IQANK1: variants seen among roughly 807,000 people sequenced by gnomAD.
IQANK1 encodes the protein IQ motif and ankyrin repeat domain-containing protein 1.
In IQANK1, 30 loss-of-function variants were observed where a neutral mutation model predicts 22.6. The observed-to-expected ratio is 1.33, with a 90% CI of 0.99 to 1.80. The LOEUF (loss-of-function observed/expected upper bound fraction) is 1.80, where lower values mean the gene tolerates loss of function less well. IQANK1 is among the 40% of genes most tolerant of loss of function. IQANK1 has a pLI of 0.00. For missense variants in IQANK1, 275 were observed against 235.2 expected, an observed-to-expected ratio of 1.17 and a Z score of -1.11; for synonymous variants, 122 against 99.6, an observed-to-expected ratio of 1.23 and a Z score of -1.34.
intron 3 of IQANK1, among the ~76,000 whole-genome samples, chr8:143,755,164 T>C (rs1473212903): frequency 6.6e-6 from 1 of 152,314 alleles, no homozygotes; most frequent in East Asian, 1.9e-4. Context: ...GATACAGTGA[T>C]ATATTCTCAG....
At chr8:143,751,940 T>C (rs1007027664) in intron 3 of IQANK1, among the ~76,000 whole-genome samples, 3 of 144,648 alleles carry the variant, frequency 2.1e-5, no homozygotes, top group Non-Finnish European at 4.6e-5. Flanking sequence ...GTTTTTTTTT[T>C]CTTTTAGCAC....
chr8:143,777,255 C>T (rs926711123), intron 7 of IQANK1, among the ~76,000 whole-genome samples: 3 of 152,030 alleles, frequency 2.0e-5, no homozygotes, highest in African/African-American at 2.4e-5. Context: ...GTGGCTTACA[C>T]CTGTAATCCC....
intron 7 of IQANK1, among the ~76,000 whole-genome samples, chr8:143,780,676 A>G (rs1554630852): frequency 6.6e-6 from 1 of 152,146 alleles, no homozygotes; most frequent in Non-Finnish European, 1.5e-5. Flanking sequence ...TTATGGCTGC[A>G]TAGTATTCCA....
At chr8:143,759,689 A>C (rs1819358618) in intron 3 of IQANK1, 1 of 152,204 alleles carries the variant, frequency 6.6e-6, no homozygotes, top group Non-Finnish European at 1.5e-5. Flanking sequence ...CGCCTCGCCC[A>C]GCTAGGGAGT....
intron 3 of IQANK1, 70 bp downstream of exon 3, chr8:143,740,018 C>T (rs1450547818): frequency 4.7e-6 from 3 of 637,316 alleles, no homozygotes; most frequent in Admixed American, 2.4e-5. Context: ...TGCCCTGGCC[C>T]GGGACACGCT....
At chr8:143,748,999 CATAA>C (rs1563770635) in intron 3 of IQANK1, among the ~76,000 whole-genome samples, 3 of 71,210 alleles carry the variant, frequency 4.2e-5, no homozygotes, top group Non-Finnish European at 7.4e-5. Context: ...AAATATATAT[CATAA>C]ATATATATCA....
At position 143,790,200 on chromosome 8, in the gene IQANK1, C is replaced by T. The variant is rs566581257; in HGVS notation, c.1353C>T (p.Asn451=). 3.2e-6 allele frequency: 4 copies of T among 1,232,152 alleles called. No homozygotes were observed. In the African/African-American group the frequency reaches 6.2e-5, roughly 19 times the overall value. The allele number at this position is 1,232,152 out of a possible 1,614,324, so 76.3% of individuals were successfully genotyped here. ...AATFLRYQDT[N]YVDTVNPEPL... is the part of the protein sequence containing the mutation. Reference sequence around the variant, plus strand: ...CCTTCCTGCGCTACCAGGATACCAACTATGTGGACACGGTGAACCCGGAGC... The same window carrying T: ...CCTTCCTGCGCTACCAGGATACCAATTATGTGGACACGGTGAACCCGGAGC... The change falls in exon 13 of 14, where the codon AAC becomes AAT. Residue 451 remains asparagine (N), a synonymous_variant. Coordinates refer to ENST00000527139, the MANE Select transcript of IQANK1 (RefSeq NM_001381874.1).
intron 3 of IQANK1, among the ~76,000 whole-genome samples, chr8:143,753,566 G>A (rs113867066): frequency 0.05 from 7,477 of 150,108 alleles, 636 homozygotes; most frequent in African/African-American, 0.17. Context: ...TGATTCTCCT[G>A]CCTCAACCTC....
chr8:143,737,596 G>T (rs894575920), intron 2 of IQANK1, among the ~76,000 whole-genome samples: 3 of 152,230 alleles, frequency 2.0e-5, no homozygotes, highest in Admixed American at 1.3e-4. Context: ...AGTGGCCACC[G>T]CACCAACACA....
intron 3 of IQANK1, among the ~76,000 whole-genome samples, chr8:143,761,246 C>A (rs1345549238): frequency 6.6e-6 from 1 of 152,172 alleles, no homozygotes; most frequent in Non-Finnish European, 1.5e-5. Flanking sequence ...CCCCCGGGGC[C>A]CCGCGCCAGC....
chr8:143,742,513 C>T (rs782425851), intron 3 of IQANK1: 114 of 455,926 alleles, frequency 2.5e-4, no homozygotes, highest in Middle Eastern at 3.2e-4. Context: ...GGCTGGGCCC[C>T]ACAAACACCA....
At chr8:143,754,881 C>G (rs1480598481) in intron 3 of IQANK1, among the ~76,000 whole-genome samples, 2 of 152,198 alleles carry the variant, frequency 1.3e-5, no homozygotes, top group African/African-American at 4.8e-5. Flanking sequence ...CCACCTCGGC[C>G]TCCCAAAGTG....
intron 7 of IQANK1, among the ~76,000 whole-genome samples, chr8:143,773,662 G>T (rs1195290757): frequency 6.6e-6 from 1 of 152,088 alleles, no homozygotes; most frequent in East Asian, 1.9e-4. Context: ...CAGAGTCTTT[G>T]CCCAGCTAGG....
intron 7 of IQANK1, among the ~76,000 whole-genome samples, chr8:143,781,973 C>T (rs1466686718): frequency 6.6e-6 from 1 of 152,014 alleles, no homozygotes. Flanking sequence ...TCTGTTTGTG[C>T]CTTTTCTGAT....
intron 2 of IQANK1, among the ~76,000 whole-genome samples, chr8:143,738,440 G>C (rs907538355): frequency 3.3e-5 from 5 of 152,198 alleles, no homozygotes; most frequent in African/African-American, 1.2e-4. Flanking sequence ...CTCTGCCTAT[G>C]GGCCTCACTG....
intron 3 of IQANK1, among the ~76,000 whole-genome samples, chr8:143,741,023 C>A (rs1818899311): frequency 6.6e-6 from 1 of 152,210 alleles, no homozygotes; most frequent in African/African-American, 2.4e-5. Context: ...GATGTCCCTT[C>A]TGTCACTGAA....
chr8:143,763,466 A>G (rs373413103), intron 3 of IQANK1, among the ~76,000 whole-genome samples: 34 of 152,270 alleles, frequency 2.2e-4, no homozygotes, highest in African/African-American at 7.5e-4. Flanking sequence ...GTGATCCCCA[A>G]TGTCAAAAGT....
chr8:143,748,751 TC>T (rs1554627574), intron 3 of IQANK1, among the ~76,000 whole-genome samples: 3 of 101,542 alleles, frequency 3.0e-5, no homozygotes, highest in African/African-American at 1.4e-4. Flanking sequence ...TAAATATATA[TC>T]ATATAAATAT....
At chr8:143,765,911 T>C (rs782501647) in intron 3 of IQANK1, among the ~76,000 whole-genome samples, 13 of 152,204 alleles carry the variant, frequency 8.5e-5, no homozygotes, top group Non-Finnish European at 1.6e-4. Context: ...TAGCATGGAT[T>C]TTCTTGCACG....
Sources: gnomAD v4.1 joint callset for allele counts (sites outside exome capture counted in the v4.1 genomes callset) on GRCh38, gnomAD v4.1.1 for gene constraint, MANE v1.5 for transcripts, NCBI Gene and HGNC (gene_info 2026-07-23, HGNC 2026-07-21) for gene names.